Variants in DLG2 observed in about 807,000 individuals in gnomAD.
DLG2 encodes disks large homolog 2.
Under a neutral mutation model 132.5 loss-of-function variants are expected in DLG2, and 45 were observed. The ratio of observed to expected loss-of-function variants is 0.34; its 90% CI spans 0.27 to 0.44. The LOEUF is 0.44. DLG2 is among the 20% of genes least tolerant of loss of function. The pLI is 1.00. For synonymous variants in DLG2, 424 were observed against 419.6 expected, an observed-to-expected ratio of 1.01 and a Z score of -0.13; for missense variants, 1,045 against 1,196.9, an observed-to-expected ratio of 0.87 and a Z score of 1.87.
intron 3 of DLG2, among the ~76,000 whole-genome samples, chr11:85,586,786 T>C (rs2079000515): frequency 1.3e-5 from 2 of 152,330 alleles, no homozygotes; most frequent in African/African-American, 4.8e-5. Flanking sequence ...GGTGTGACTT[T>C]AGATTGCCTA....
chr11:84,542,918 G>T (rs2099380208), intron 6 of DLG2, among the ~76,000 whole-genome samples: 3 of 59,070 alleles, frequency 5.1e-5, no homozygotes, highest in Admixed American at 1.5e-4. Flanking sequence ...TACTTTTAGG[G>T]ATTTCTGCAG....
chr11:84,730,468 A>G (rs1004971975), intron 6 of DLG2, among the ~76,000 whole-genome samples: 2 of 152,088 alleles, frequency 1.3e-5, no homozygotes, highest in African/African-American at 4.8e-5. Context: ...CTTATTTAAA[A>G]CAAATGTCAA....
At chr11:84,853,586 T>C (rs997985713) in intron 6 of DLG2, among the ~76,000 whole-genome samples, 1 of 152,054 alleles carries the variant, frequency 6.6e-6, no homozygotes, top group Non-Finnish European at 1.5e-5. Context: ...GTGCCTACCC[T>C]GCATCGAGCA....
chr11:85,115,708 T>C (rs1487004825), intron 5 of DLG2, among the ~76,000 whole-genome samples: 1 of 151,900 alleles, frequency 6.6e-6, no homozygotes, highest in Non-Finnish European at 1.5e-5. Context: ...GAGGCGAAGG[T>C]GTAAGAAGAG....
chr11:84,516,877 A>C (rs1356717557), intron 7 of DLG2, among the ~76,000 whole-genome samples: 1 of 150,962 alleles, frequency 6.6e-6, no homozygotes, highest in African/African-American at 2.4e-5. Context: ...ATTTGCTATG[A>C]TCAACTGGTC....
chr11:84,099,744 TATATATAC>T (rs1401015525), intron 9 of DLG2, among the ~76,000 whole-genome samples: 3 of 147,962 alleles, frequency 2.0e-5, no homozygotes, highest in South Asian at 2.1e-4. Context: ...GGTGTGTATA[TATATATAC>T]ATATATACAT....
intron 7 of DLG2, among the ~76,000 whole-genome samples, chr11:84,373,265 C>CAAAACAAAAA (rs2098715526): frequency 1.0e-5 from 1 of 98,090 alleles, no homozygotes; most frequent in Non-Finnish European, 1.8e-5. Context: ...AAAAAAAAAA[C>CAAAACAAAAA]AAAACAAAAA....
intron 7 of DLG2, among the ~76,000 whole-genome samples, chr11:84,490,908 T>TGTGTGC (rs916003231): frequency 2.0e-5 from 3 of 151,920 alleles, no homozygotes; most frequent in African/African-American, 7.2e-5. Flanking sequence ...TGTGTGTGTG[T>TGTGTGC]GCATATGTGT....
intron 10 of DLG2, among the ~76,000 whole-genome samples, chr11:84,091,798 T>C (rs2097097553): frequency 6.6e-6 from 1 of 152,190 alleles, no homozygotes. Flanking sequence ...TGGACTGTAT[T>C]CATTTTGGGA....
At chr11:83,779,010 A>G (rs2094699926) in intron 18 of DLG2, among the ~76,000 whole-genome samples, 1 of 152,130 alleles carries the variant, frequency 6.6e-6, no homozygotes. Context: ...AGTTGTGGAG[A>G]AAGAAATGTC....
chr11:84,877,512 C>CTTTTTTTTTTTTTTTT (rs60339036), intron 6 of DLG2, among the ~76,000 whole-genome samples: 26 of 57,450 alleles, frequency 4.5e-4, no homozygotes, highest in Non-Finnish European at 4.4e-4. Context: ...GCAACCCCTG[C>CTTTTTTTTTTTTTTTT]TTTTTTTTTT....
chr11:84,321,579 C>T (rs2098405080), intron 7 of DLG2, among the ~76,000 whole-genome samples: 3 of 152,140 alleles, frequency 2.0e-5, no homozygotes, highest in Admixed American at 2.0e-4. Context: ...CTCAATCCTA[C>T]CTTGTGGCCA....
intron 19 of DLG2, among the ~76,000 whole-genome samples, chr11:83,577,440 TTATA>T (rs930479251): frequency 3.2e-4 from 44 of 138,312 alleles, no homozygotes; most frequent in Non-Finnish European, 5.9e-4. Flanking sequence ...ATATAATAGT[TTATA>T]TAGGAACTAA....
intron 11 of DLG2, among the ~76,000 whole-genome samples, chr11:83,983,716 C>A (rs1017965127): frequency 1.3e-5 from 2 of 151,922 alleles, no homozygotes; most frequent in African/African-American, 4.8e-5. Flanking sequence ...TGCTTTGCCA[C>A]CCCATGGAAC....
intron 3 of DLG2, among the ~76,000 whole-genome samples, chr11:85,587,595 A>T (rs1474028254): frequency 6.6e-6 from 1 of 152,158 alleles, no homozygotes; most frequent in Middle Eastern, 3.2e-3. Flanking sequence ...CTTATGCGTT[A>T]AGTGAATCTC....
chr11:83,508,787 C>T (rs75983062), intron 21 of DLG2, among the ~76,000 whole-genome samples: 8,072 of 152,194 alleles, frequency 0.053, 754 homozygotes, highest in African/African-American at 0.18. Flanking sequence ...TTTGCCCAGC[C>T]GGCAAGTGGC....
intron 18 of DLG2, among the ~76,000 whole-genome samples, chr11:83,657,640 G>A (rs1419870206): frequency 7.0e-6 from 1 of 142,300 alleles, no homozygotes; most frequent in Non-Finnish European, 1.5e-5. Context: ...CCGGGTTCAC[G>A]CCATTCTCCT....
At chr11:84,180,336 C>A (rs2096082718) in intron 8 of DLG2, among the ~76,000 whole-genome samples, 1 of 151,880 alleles carries the variant, frequency 6.6e-6, no homozygotes, top group Non-Finnish European at 1.5e-5. Context: ...GAAAAAAAGA[C>A]AAGACACAGA....
intron 9 of DLG2, among the ~76,000 whole-genome samples, chr11:84,111,727 G>T (rs1180940558): frequency 6.6e-6 from 1 of 152,134 alleles, no homozygotes; most frequent in South Asian, 2.1e-4. Flanking sequence ...AATAAAAGAC[G>T]TACAGTTCTT....
Sources: allele counts gnomAD v4.1 joint callset (sites outside exome capture counted in the v4.1 genomes callset), GRCh38; gene constraint gnomAD v4.1.1; transcripts MANE v1.5; gene names NCBI Gene and HGNC (gene_info 2026-07-23, HGNC 2026-07-21).